Variants in LATS2 observed in about 807,000 individuals in gnomAD.
LATS2 encodes large tumor suppressor kinase 2.
Under a neutral mutation model 76.0 loss-of-function variants are expected in LATS2, and 24 were observed. That is an observed-to-expected ratio of 0.32 (90% CI 0.23 to 0.44). The LOEUF (loss-of-function observed/expected upper bound fraction) is 0.44. Ranked by LOEUF, LATS2 falls within the 20% of genes least tolerant of loss-of-function variation. The pLI is 1.00. For missense variants in LATS2, 1,286 were observed against 1,481.2 expected, an observed-to-expected ratio of 0.87 and a Z score of 2.16; for synonymous variants, 692 against 635.4, an observed-to-expected ratio of 1.09 and a Z score of -1.34.
At chr13:21,022,893 C>T (rs1872126988) in intron 2 of LATS2, among the ~76,000 whole-genome samples, 1 of 152,204 alleles carries the variant, frequency 6.6e-6, no homozygotes, top group East Asian at 1.9e-4. Flanking sequence ...TTTCCTAGAA[C>T]ACATCTATAA....
At chr13:21,017,950 T>C (rs1166033461) in intron 2 of LATS2, 1 of 152,166 alleles carries the variant, frequency 6.6e-6, no homozygotes, top group Non-Finnish European at 1.5e-5. Context: ...ATACTAATAA[T>C]GTGAGACTAT....
rs1555224089 is a variant in LATS2, at chr13:20,988,343, C to CAGGGCG, written c.1436_1437insCGCCCT (p.Ala480_Ala481insLeuAla). ...CCTTGGCGTCCAAGCCCTCCGCAGC[C>CAGGGCG]GGGGCGGGGGCGGGGGCGGGGGCCG... is the stretch of plus-strand genomic sequence containing the variant. On this transcript the variant is annotated inframe_insertion, in exon 4 of 8. Coordinates refer to ENST00000382592, the MANE Select transcript of LATS2 (RefSeq NM_014572.3). The CAGGGCG allele has an allele frequency of 2.3e-6, 3 of 1,298,910 alleles. No individual in the cohort carries two copies. Among genetic ancestry groups the CAGGGCG allele is most frequent in the Non-Finnish European group, 3.0e-6 (3 of 1,004,458 alleles). 80.5% of individuals were successfully genotyped at this position (1,298,910 alleles called of 1,614,324 possible).
At chr13:20,999,028 G>T (rs1041056889) in intron 2 of LATS2, among the ~76,000 whole-genome samples, 2 of 152,198 alleles carry the variant, frequency 1.3e-5, no homozygotes, top group Non-Finnish European at 2.9e-5. Flanking sequence ...CAGGGCGGGG[G>T]TTCTGGCGAC....
chr13:20,991,205 G>A lies in LATS2; in HGVS notation c.475+67C>T. 1 of 1,595,378 alleles carries A rather than the reference G, an allele frequency of 6.3e-7. No individual in the cohort carries two copies. The highest frequency in any genetic ancestry group is 8.6e-7 in the Non-Finnish European group (1 of 1,167,632). On this transcript the variant is annotated intron_variant, in intron 3 of 7. Transcript: ENST00000382592. The surrounding 1 kb of genome is among the most constrained non-coding windows in gnomAD (Gnocchi z 4.9). ...AGGCCAGGCCAGGTTGGACCCCTCT[G>A]CACGTGGTTTTGTTGTCCTTAAGCC...
In LATS2 at chr13:20,974,914, C is replaced by G. The variant is rs1183782374; in HGVS notation, c.3223G>C (p.Asp1075His). The change falls in exon 8 of 8, where the codon GAT (aspartate) becomes CAT (histidine). Residue 1075 changes from aspartate (D) to histidine (H), a missense_variant. Physicochemically the swap from Asp to His is moderately conservative, Grantham distance 81. Around this residue, in one of 5 missense-constraint regions of LATS2, gnomAD observed 210 missense variants for 234.9 expected, o/e 0.89. Transcript: ENST00000382592. The part of the protein sequence containing the change: ...QAESSDLESS[D>H]LVDQTEGCQP... ...CAGCCTTCAGTCTGATCCACCAGAT[C>G]AGAGCTTTCTAAATCTGAGCTCTCA... The G allele has an allele frequency of 1.2e-6, 2 of 1,614,008 alleles. No individual in the cohort carries two copies. Among genetic ancestry groups the G allele is most frequent in the African/African-American group, 2.7e-5 (2 of 74,926 alleles).
At chr13:21,010,225 A>AAACAAAC in intron 2 of LATS2, among the ~76,000 whole-genome samples, 3 of 33,360 alleles carry the variant, frequency 9.0e-5, no homozygotes, top group Non-Finnish European at 2.0e-4. Context: ...AACAAACAAA[A>AAACAAAC]AACCCACAAA....
chr13:20,979,060 C>T (rs1460958357), intron 7 of LATS2, among the ~76,000 whole-genome samples: 4 of 152,214 alleles, frequency 2.6e-5, no homozygotes, highest in Non-Finnish European at 5.9e-5. Flanking sequence ...CTGCGCCCAG[C>T]CTATGATCCT....
At chr13:20,985,172 G>T (rs1169300800) in intron 4 of LATS2, among the ~76,000 whole-genome samples, 1 of 152,098 alleles carries the variant, frequency 6.6e-6, no homozygotes, top group Non-Finnish European at 1.5e-5. Context: ...AAGACCAGAG[G>T]CTATGAAAAT....
chr13:20,994,745 G>C (rs1359849056), intron 2 of LATS2, among the ~76,000 whole-genome samples: 1 of 151,966 alleles, frequency 6.6e-6, no homozygotes, highest in Non-Finnish European at 1.5e-5. Context: ...AAAATAGCTG[G>C]GTGTTGATGG....
At chr13:21,043,164 C>T (rs941374645) in intron 2 of LATS2, among the ~76,000 whole-genome samples, 3 of 151,760 alleles carry the variant, frequency 2.0e-5, no homozygotes, top group Non-Finnish European at 4.4e-5. Flanking sequence ...ATAGTGAAAC[C>T]CCGTCTCTGC....
intron 2 of LATS2, among the ~76,000 whole-genome samples, chr13:21,000,834 C>T (rs1258096519): frequency 6.6e-6 from 1 of 152,028 alleles, no homozygotes; most frequent in Non-Finnish European, 1.5e-5. Flanking sequence ...TGAAAAAATG[C>T]TGATTGTATA....
In LATS2 at chr13:20,983,262, C is replaced by A. The variant is rs1431041750; in HGVS notation, c.2444G>T (p.Gly815Val). Residue 815 changes from glycine to valine, a missense_variant, in exon 5 of 8, where the codon GGG becomes GTG. Coordinates refer to ENST00000382592, the MANE Select transcript of LATS2 (RefSeq NM_014572.3). ...TTTGGAATTGTGAGTCCACCTGAACCCAGTGCAGAGGCCGAAATCTGTGAG... is the reference window on the plus strand; with the variant it reads ...TTTGGAATTGTGAGTCCACCTGAACACAGTGCAGAGGCCGAAATCTGTGAG... ...IKLTDFGLCT[G>V]FRWTHNSKYY... 1 of 1,613,592 alleles carries A rather than the reference C, an allele frequency of 6.2e-7. No homozygotes were observed. Among genetic ancestry groups the A allele is most frequent in the Non-Finnish European group, 8.5e-7 (1 of 1,179,878 alleles).
chr13:21,008,830 C>T (rs1418367490), intron 2 of LATS2, among the ~76,000 whole-genome samples: 2 of 152,098 alleles, frequency 1.3e-5, no homozygotes, highest in African/African-American at 4.8e-5. Context: ...CAAGATTCCA[C>T]TTCCACCCCC....
At chr13:20,979,549 A>T in intron 7 of LATS2, 142 bp downstream of exon 7, 2 of 419,274 alleles carry the variant, frequency 4.8e-6, no homozygotes, top group Non-Finnish European at 8.6e-6. Context: ...AAATAATGAG[A>T]TTATTTTTAA....
At chr13:21,012,545 C>T (rs562574733) in intron 2 of LATS2, among the ~76,000 whole-genome samples, 1 of 152,194 alleles carries the variant, frequency 6.6e-6, no homozygotes, top group East Asian at 1.9e-4. Context: ...GTATTTATTA[C>T]CAGGTGTTTC....
At chr13:21,007,531 GATATATATATATAGTATATATATAT>G (rs1871305138) in intron 2 of LATS2, among the ~76,000 whole-genome samples, 1 of 15,498 alleles carries the variant, frequency 6.5e-5, no homozygotes, top group Non-Finnish European at 9.3e-5. Context: ...GTAGGGGATG[GATATATATATATAGTATATATATAT>G]ATATATATAT....
chr13:21,027,075 T>C (rs9552330), intron 2 of LATS2, among the ~76,000 whole-genome samples: 23,819 of 152,184 alleles, frequency 0.16, 2,954 homozygotes, highest in East Asian at 0.5. Flanking sequence ...TTTGCCTTTT[T>C]ATTATTGAAT....
In LATS2 at chr13:20,975,091, C is replaced by T. The variant is rs113238499; in HGVS notation, c.3046G>A (p.Glu1016Lys). The change falls in exon 8 of 8, where the codon GAA (glutamate) becomes AAA (lysine). Residue 1016 changes from glutamate to lysine, a missense_variant. Transcript: ENST00000382592. ...DEESPWNDAS[E>K]GSTKAWDTLT... ...GTGTCCCAGGCCTTGGTGCTACCTT[C>T]GCTGGCATCGTTCCAAGGGCTTTCT... The T allele has an allele frequency of 1.5e-5, 24 of 1,614,228 alleles. No individual in the cohort carries two copies. The highest frequency in any genetic ancestry group is 4.5e-5 in the East Asian group (2 of 44,888).
intron 1 of LATS2, among the ~76,000 whole-genome samples, chr13:21,058,437 G>GGTGGAGTTTAGGAGCCCAAGGCTGGCT (rs1873519270): frequency 6.6e-6 from 1 of 151,380 alleles, no homozygotes; most frequent in African/African-American, 2.4e-5. Flanking sequence ...CCCACCCCTT[G>GGTGGAGTTTAGGAGCCCAAGGCTGGCT]GTGGAGTTTA....
Sources: gnomAD v4.1 joint callset for allele counts (sites outside exome capture counted in the v4.1 genomes callset) on GRCh38, gnomAD v4.1.1 for gene constraint, gnomAD v4.1.1 regional missense constraint, Gnocchi (gnomAD v3.1) non-coding constraint, MANE v1.5 for transcripts, NCBI Gene and HGNC (gene_info 2026-07-23, HGNC 2026-07-21) for gene names.